The following SNCAIP variants were observed in gnomAD, a reference collection of about 807,000 sequenced individuals.
The protein encoded by SNCAIP is synphilin-1.
Under a neutral mutation model 86.7 loss-of-function variants are expected in SNCAIP, and 43 were observed. The ratio of observed to expected loss-of-function variants is 0.50; its 90% CI spans 0.39 to 0.64. The LOEUF (loss-of-function observed/expected upper bound fraction) is 0.64, where lower values mean the gene tolerates loss of function less well. Ranked by LOEUF, SNCAIP falls within the 30% of genes least tolerant of loss-of-function variation. The pLI is 0.00. For missense variants in SNCAIP, 981 were observed against 1,103.1 expected (o/e 0.89, Z 1.57); for synonymous variants, 417 against 427.2 (o/e 0.98, Z 0.29).
chr5:122,413,851 A>G (rs1774675959), intron 3 of SNCAIP, among the ~76,000 whole-genome samples: 2 of 152,178 alleles, frequency 1.3e-5, no homozygotes, highest in South Asian at 4.1e-4. Context: ...TAATGCTGCT[A>G]AAAATAAAGA....
intron 1 of SNCAIP, among the ~76,000 whole-genome samples, chr5:122,367,043 G>A (rs1020136402): frequency 6.6e-6 from 1 of 151,996 alleles, no homozygotes; most frequent in African/African-American, 2.4e-5. Flanking sequence ...TGAGGGAGAG[G>A]GAGGATCCAG....
chr5:122,339,595 C>A (rs909887387), intron 1 of SNCAIP, among the ~76,000 whole-genome samples: 4 of 152,194 alleles, frequency 2.6e-5, no homozygotes, highest in Admixed American at 6.5e-5. Flanking sequence ...CTTATTCACA[C>A]TTACCTATCT....
At chr5:122,403,708 T>A in intron 2 of SNCAIP, 85 bp from the exon 3 acceptor site, 1 of 1,020,532 alleles carries the variant, frequency 9.8e-7, no homozygotes, top group South Asian at 1.3e-5. Flanking sequence ...GTATCACTTA[T>A]TGTGTTTTGT....
chr5:122,391,945 A>T (rs1180772276), intron 2 of SNCAIP, among the ~76,000 whole-genome samples: 2 of 152,190 alleles, frequency 1.3e-5, no homozygotes, highest in Non-Finnish European at 2.9e-5. Context: ...CTCTCAGAGT[A>T]TGTGATGAGA....
intron 3 of SNCAIP, among the ~76,000 whole-genome samples, chr5:122,406,009 C>T (rs747533438): frequency 6.6e-6 from 1 of 152,150 alleles, no homozygotes; most frequent in Non-Finnish European, 1.5e-5. Flanking sequence ...AGACTCAGGA[C>T]TCTTAATGGA....
intron 1 of SNCAIP, among the ~76,000 whole-genome samples, chr5:122,390,560 TG>T (rs572110354): frequency 1.9e-3 from 285 of 152,336 alleles, no homozygotes; most frequent in African/African-American, 6.4e-3. Flanking sequence ...AGGGGTGAAC[TG>T]GAGGTTGTGC....
intron 10 of SNCAIP, chr5:122,452,984 T>G: frequency 1.9e-6 from 3 of 1,545,268 alleles, no homozygotes; most frequent in Non-Finnish European, 2.6e-6. Flanking sequence ...AGCATCTGTG[T>G]AACGACACAC....
intron 1 of SNCAIP, among the ~76,000 whole-genome samples, chr5:122,315,582 G>C (rs866614080): frequency 6.6e-6 from 1 of 152,192 alleles, no homozygotes; most frequent in South Asian, 2.1e-4. Context: ...GTGTCTAGCA[G>C]ATGTTTTCTG....
intron 1 of SNCAIP, among the ~76,000 whole-genome samples, chr5:122,346,458 G>GT (rs1245972568): frequency 6.6e-6 from 1 of 152,074 alleles, no homozygotes; most frequent in Non-Finnish European, 1.5e-5. Flanking sequence ...ACTAAATGAG[G>GT]TTAAAAGTAG....
chr5:122,403,023 G>A (rs1475876922), intron 2 of SNCAIP, among the ~76,000 whole-genome samples: 1 of 152,024 alleles, frequency 6.6e-6, no homozygotes, highest in Non-Finnish European at 1.5e-5. Context: ...AGACTGATTG[G>A]CATCACATGT....
intron 2 of SNCAIP, among the ~76,000 whole-genome samples, chr5:122,397,689 T>C (rs1770912571): frequency 6.6e-6 from 1 of 152,082 alleles, no homozygotes; most frequent in Non-Finnish European, 1.5e-5. Context: ...CCAGTATCTG[T>C]ACTATGTAGA....
intron 1 of SNCAIP, among the ~76,000 whole-genome samples, chr5:122,374,312 G>A (rs571269246): frequency 6.6e-6 from 1 of 152,246 alleles, no homozygotes; most frequent in Admixed American, 6.5e-5. Flanking sequence ...TTGGCAGCAT[G>A]CAGCTTTATT....
At chr5:122,416,370 A>G (rs1057360394) in intron 3 of SNCAIP, among the ~76,000 whole-genome samples, 9 of 152,196 alleles carry the variant, frequency 5.9e-5, no homozygotes, top group African/African-American at 2.2e-4. Flanking sequence ...TGGCATTTCT[A>G]TAATAAACAA....
chr5:122,348,099 A>G (rs1290738511), intron 1 of SNCAIP, among the ~76,000 whole-genome samples: 2 of 152,148 alleles, frequency 1.3e-5, no homozygotes, highest in Admixed American at 1.3e-4. Context: ...AAGCATTGGG[A>G]TTCCCCCATC....
At chr5:122,363,209 T>C (rs1385366502) in intron 1 of SNCAIP, among the ~76,000 whole-genome samples, 1 of 152,110 alleles carries the variant, frequency 6.6e-6, no homozygotes, top group African/African-American at 2.4e-5. Flanking sequence ...TTGGTCAGGC[T>C]GGTCTCCAAC....
At chr5:122,351,282 A>G (rs1218340618) in intron 1 of SNCAIP, among the ~76,000 whole-genome samples, 1 of 152,126 alleles carries the variant, frequency 6.6e-6, no homozygotes, top group Non-Finnish European at 1.5e-5. Context: ...CACATCTGTA[A>G]TTCTAGCATT....
At chr5:122,428,537 A>C (rs2152936979) in intron 5 of SNCAIP, among the ~76,000 whole-genome samples, 1 of 152,144 alleles carries the variant, frequency 6.6e-6, no homozygotes, top group African/African-American at 2.4e-5. Flanking sequence ...AGGATAGACC[A>C]AATGTTAGGC....
At chr5:122,458,117 T>C (rs572912449) in intron 10 of SNCAIP, among the ~76,000 whole-genome samples, 2 of 152,342 alleles carry the variant, frequency 1.3e-5, no homozygotes, top group South Asian at 4.1e-4. Context: ...CAAAGTATGA[T>C]ATGTTGAGAC....
intron 1 of SNCAIP, among the ~76,000 whole-genome samples, chr5:122,376,547 T>A (rs1188660957): frequency 1.3e-5 from 2 of 152,170 alleles, no homozygotes; most frequent in Non-Finnish European, 2.9e-5. Flanking sequence ...TCTTTCCAGA[T>A]ATTTTCTTCT....
Sources: allele counts gnomAD v4.1 joint callset (sites outside exome capture counted in the v4.1 genomes callset), GRCh38; gene constraint gnomAD v4.1.1; transcripts MANE v1.5; gene names NCBI Gene and HGNC (gene_info 2026-07-23, HGNC 2026-07-21).